The following SVIL variants were observed in gnomAD, a reference collection of about 807,000 sequenced individuals.
SVIL encodes supervillin.
A neutral mutation model predicts 240.4 loss-of-function variants in SVIL; 101 were observed. The observed-to-expected ratio is 0.42, with a 90% confidence interval of 0.36 to 0.50. SVIL has a LOEUF of 0.50. Ranked by LOEUF, SVIL falls within the 20% of genes least tolerant of loss-of-function variation. The pLI is 0.01. For missense variants in SVIL, 2,512 were observed against 2,818.7 expected (o/e 0.89, Z 2.46); for synonymous variants, 999 against 1,100.0 (o/e 0.91, Z 1.82).
At chr10:29,577,247 T>C (rs1195443447) in intron 1 of SVIL, among the ~76,000 whole-genome samples, 1 of 152,176 alleles carries the variant, frequency 6.6e-6, no homozygotes, top group East Asian at 1.9e-4. Flanking sequence ...GATAAGTTTT[T>C]CAGTGGTGAT....
rs375565752 is a variant in SVIL at position 29,565,340 on chromosome 10, C to G, written c.-142-2048G>C. Among the ~76,000 whole-genome samples, 4 of 152,280 alleles carry G rather than the reference C, an allele frequency of 2.6e-5. No homozygotes were observed. The South Asian group carries it at 8.3e-4, about 32-fold the overall frequency. On this transcript the variant is annotated intron_variant, in intron 2 of 37. Transcript: ENST00000355867. ...CTGGCTTCACAGGCACTTATTTTCT[C>G]GAAACACGCTACAAATAGTGCCAGC... is the stretch of plus-strand genomic sequence containing the variant.
At chr10:29,638,738 C>T (rs893133847), upstream of SVIL, among the ~76,000 whole-genome samples, 1 of 152,132 alleles carries the variant, frequency 6.6e-6, no homozygotes, top group Non-Finnish European at 1.5e-5. Context: ...GAAAGCATTG[C>T]TTTCCAATTG....
rs1207991426 is a variant in SVIL at position 29,550,720 on chromosome 10, C to T, written c.704G>A (p.Arg235Gln). 4 of 1,614,120 alleles carry T rather than the reference C, an allele frequency of 2.5e-6. No homozygotes were observed. The highest frequency in any genetic ancestry group is 1.1e-5 in the South Asian group (1 of 91,080). The change falls in exon 6 of 38, where the codon CGA (arginine) becomes CAA (glutamine). Residue 235 changes from arginine (R) to glutamine (Q), a missense_variant. Around this residue, in one of 3 missense-constraint regions of SVIL, gnomAD observed 1,443 missense variants for 1,486.6 expected, o/e 0.97. Transcript: ENST00000355867. Reference sequence around the variant, plus strand: ...TGGCACTTCAGTGAAGGAGGAGTCTCGCCCAGAGAAAGAGAAGGTCGAGGA... The same window carrying T: ...TGGCACTTCAGTGAAGGAGGAGTCTTGCCCAGAGAAAGAGAAGGTCGAGGA... ...ESSSTFSFSG[R>Q]DSSFTEVPRS...
At chr10:29,489,150 C>T (rs1947715571) in intron 22 of SVIL, among the ~76,000 whole-genome samples, 1 of 152,210 alleles carries the variant, frequency 6.6e-6, no homozygotes, top group South Asian at 2.1e-4. Context: ...AGACCGCTTT[C>T]ACCAAAAGCC....
At chr10:29,496,887 C>G (rs1166476883) in intron 18 of SVIL, among the ~76,000 whole-genome samples, 1 of 152,184 alleles carries the variant, frequency 6.6e-6, no homozygotes, top group Non-Finnish European at 1.5e-5. Flanking sequence ...AAAGCCTGGG[C>G]TAGAAGCTGG....
chr10:29,701,992 G>A (rs1962547218), intron 1 of SVIL, among the ~76,000 whole-genome samples: 1 of 151,878 alleles, frequency 6.6e-6, no homozygotes, highest in South Asian at 2.1e-4. Context: ...TGGCCAAAAC[G>A]GTGAAACCCC....
chr10:29,690,622 AT>A (rs199706819), intron 1 of SVIL, among the ~76,000 whole-genome samples: 2,630 of 152,242 alleles, frequency 0.017, 72 homozygotes, highest in African/African-American at 0.058. Context: ...TTTAATTTAT[AT>A]AAAATAAAAA....
At chr10:29,725,082 A>T (rs956670140) in intron 1 of SVIL, among the ~76,000 whole-genome samples, 2 of 150,898 alleles carry the variant, frequency 1.3e-5, no homozygotes, top group East Asian at 1.9e-4. Context: ...AAATTTCTAA[A>T]TTTTCAGGGT....
intron 1 of SVIL, among the ~76,000 whole-genome samples, chr10:29,589,870 C>G (rs1956317175): frequency 1.3e-5 from 2 of 152,094 alleles, no homozygotes; most frequent in South Asian, 2.1e-4. Context: ...TTTGTTCTCA[C>G]TAAAAATAAT....
chr10:29,641,956 C>T (rs1246034754), intron 3 of SVIL, among the ~76,000 whole-genome samples: 1 of 152,210 alleles, frequency 6.6e-6, no homozygotes, highest in East Asian at 1.9e-4. Context: ...CAAAGTCCCA[C>T]TTCTCTGAGC....
In SVIL at chr10:29,522,439, T is replaced by G. The variant is rs200980978; in HGVS notation, c.3360A>C (p.Ser1120=). ...KTPTGEGLLD[S]PSKTMSIKER... is the part of the protein sequence containing the mutation. ...CTTTAATAGACATGGTTTTGCTGGGTGAGTCAAGAAGGCCCTCCCCTGTCG... is the reference window on the plus strand; with the variant it reads ...CTTTAATAGACATGGTTTTGCTGGGGGAGTCAAGAAGGCCCTCCCCTGTCG... The change falls in exon 16 of 38, where the codon TCA becomes TCC. Residue 1120 remains serine, a synonymous_variant. Coordinates refer to ENST00000355867, the MANE Select transcript of SVIL (RefSeq NM_021738.3). 6.2e-7 allele frequency: 1 copy of G among 1,614,142 alleles called. No individual in the cohort carries two copies. Among genetic ancestry groups the G allele is most frequent in the East Asian group, 2.2e-5 (1 of 44,876 alleles).
At chr10:29,493,649 T>C (rs1948170578) in intron 20 of SVIL, among the ~76,000 whole-genome samples, 1 of 152,008 alleles carries the variant, frequency 6.6e-6, no homozygotes, top group Non-Finnish European at 1.5e-5. Flanking sequence ...ACTGAACGCT[T>C]CTGAACCTGC....
At chr10:29,536,590 T>G (rs1386838999) in intron 6 of SVIL, among the ~76,000 whole-genome samples, 1 of 152,200 alleles carries the variant, frequency 6.6e-6, no homozygotes, top group East Asian at 1.9e-4. Context: ...ATCATGTGTT[T>G]TCCCAAGTAA....
At chr10:29,675,172 C>A (rs973896607) in intron 2 of SVIL, among the ~76,000 whole-genome samples, 1 of 152,132 alleles carries the variant, frequency 6.6e-6, no homozygotes, top group African/African-American at 2.4e-5. Flanking sequence ...CATGCATGAC[C>A]CCAGTATGAA....
intron 3 of SVIL, among the ~76,000 whole-genome samples, chr10:29,555,416 A>C (rs759114197): frequency 3.3e-5 from 5 of 152,192 alleles, no homozygotes; most frequent in Non-Finnish European, 7.3e-5. Flanking sequence ...AAAATGACAG[A>C]GTTATCAAGG....
chr10:29,570,020 C>A (rs1241549554), intron 1 of SVIL, among the ~76,000 whole-genome samples: 1 of 152,196 alleles, frequency 6.6e-6, no homozygotes, highest in Non-Finnish European at 1.5e-5. Flanking sequence ...CTAAGAAAAC[C>A]ACAAATAGAC....
At chr10:29,543,447 T>C (rs1334566857) in intron 6 of SVIL, among the ~76,000 whole-genome samples, 2 of 152,252 alleles carry the variant, frequency 1.3e-5, no homozygotes, top group African/African-American at 4.8e-5. Context: ...TTGGCAGTCA[T>C]ATAAAGAACT....
intron 36 of SVIL, 127 bp from the exon 37 acceptor site, chr10:29,458,716 C>T (rs1296929076): frequency 5.1e-6 from 5 of 980,978 alleles, no homozygotes; most frequent in Non-Finnish European, 7.2e-6. Flanking sequence ...TTCCATATCA[C>T]TGAGGAGGAA....
At chr10:29,656,430 T>G (rs941482780) in intron 3 of SVIL, among the ~76,000 whole-genome samples, 1 of 151,998 alleles carries the variant, frequency 6.6e-6, no homozygotes, top group Non-Finnish European at 1.5e-5. Context: ...TCAGCCATTA[T>G]GAAACCAACC....
Sources: gnomAD v4.1 joint callset for allele counts (sites outside exome capture counted in the v4.1 genomes callset) on GRCh38, gnomAD v4.1.1 for gene constraint, gnomAD v4.1.1 regional missense constraint, MANE v1.5 for transcripts, NCBI Gene and HGNC (gene_info 2026-07-23, HGNC 2026-07-21) for gene names.